The following ARID3B variants were observed in gnomAD, a reference collection of about 807,000 sequenced individuals.
The protein encoded by ARID3B is AT-rich interaction domain 3B, also known as AT-rich interactive domain-containing protein 3B.
ARID3B carries 10 observed loss-of-function variants against 51.9 expected under a neutral mutation model. That is an observed-to-expected ratio of 0.19 (90% confidence interval 0.12 to 0.33). ARID3B has a LOEUF of 0.33. ARID3B is among the 10% of genes least tolerant of loss of function. The probability of loss-of-function intolerance (pLI) is 1.00; values close to 1 mark genes in which losing one functional copy is unlikely to be tolerated. For synonymous variants in ARID3B, 205 were observed against 279.5 expected (o/e 0.73, Z 2.66); for missense variants, 483 against 716.3 (o/e 0.67, Z 3.72).
chr15:74,584,306 G>A (rs1183291896), intron 4 of ARID3B, among the ~76,000 whole-genome samples: 1 of 152,250 alleles, frequency 6.6e-6, no homozygotes, highest in Admixed American at 6.5e-5. Flanking sequence ...GGGCAAGAAT[G>A]AAGATGCAGA....
chr15:74,553,946 C>G (rs2061647226), intron 2 of ARID3B, among the ~76,000 whole-genome samples: 1 of 151,996 alleles, frequency 6.6e-6, no homozygotes, highest in Non-Finnish European at 1.5e-5. Flanking sequence ...GCCTCAGCCT[C>G]CTGAGTAGCT....
chr15:74,592,836 C>T (rs1045151181), intron 7 of ARID3B, among the ~76,000 whole-genome samples: 1 of 152,184 alleles, frequency 6.6e-6, no homozygotes, highest in Non-Finnish European at 1.5e-5. Context: ...CAGGGTTTGC[C>T]CGTCACTTGG....
In ARID3B at chr15:74,595,925, A is replaced by C; in HGVS notation, c.*151A>C. On this transcript the variant is annotated 3_prime_UTR_variant, in exon 9 of 9. Coordinates refer to ENST00000346246, the MANE Select transcript of ARID3B (RefSeq NM_006465.4). ...GGACGTGTCCGTCTGTCCAGGCTCCATTCAGGTCCTGCTGTACTCTGGGGG... is the reference window on the plus strand; with the variant it reads ...GGACGTGTCCGTCTGTCCAGGCTCCCTTCAGGTCCTGCTGTACTCTGGGGG... 1.2e-6 allele frequency: 1 copy of C among 834,964 alleles called. No homozygotes were observed. The highest frequency in any genetic ancestry group is 1.8e-6 in the Non-Finnish European group (1 of 553,974). 51.7% of individuals were successfully genotyped at this position (834,964 alleles called of 1,614,324 possible). A position where few individuals can be genotyped will look rare whatever the true frequency, so the allele number is the denominator to read the frequency against.
intron 2 of ARID3B, among the ~76,000 whole-genome samples, chr15:74,546,991 A>G (rs974241345): frequency 3.9e-5 from 6 of 152,164 alleles, no homozygotes; most frequent in African/African-American, 1.4e-4. Flanking sequence ...CAAAAATAAT[A>G]ATATTCTTGG....
At chr15:74,590,086 T>G in intron 5 of ARID3B, 83 bp downstream of exon 5, 3 of 1,398,906 alleles carry the variant, frequency 2.1e-6, no homozygotes, top group Non-Finnish European at 9.5e-7. Context: ...GGAAGGAAAT[T>G]CCTTTGTATG....
intron 2 of ARID3B, among the ~76,000 whole-genome samples, chr15:74,551,993 C>G (rs1251492683): frequency 1.3e-5 from 2 of 150,002 alleles, no homozygotes; most frequent in Non-Finnish European, 3.0e-5. Context: ...TCTTCTTTTG[C>G]TTTCTATAGT....
chr15:74,589,811 C>T lies in ARID3B; in HGVS notation c.698-9C>T. 1.3e-6 allele frequency: 2 copies of T among 1,597,264 alleles called. No homozygotes were observed. The highest frequency in any genetic ancestry group is 1.7e-6 in the Non-Finnish European group (2 of 1,169,078). On this transcript the variant is annotated splice_polypyrimidine_tract_variant and intron_variant, in intron 4 of 8. Transcript: ENST00000346246. Reference sequence around the variant, plus strand: ...CCCGCTGTCTCTTTCTCTCGTTGGACAACCACAGGGACCCCCATCAACCGA... The same window carrying T: ...CCCGCTGTCTCTTTCTCTCGTTGGATAACCACAGGGACCCCCATCAACCGA...
chr15:74,549,244 T>G (rs1395979677), intron 2 of ARID3B, among the ~76,000 whole-genome samples: 2 of 151,990 alleles, frequency 1.3e-5, no homozygotes, highest in African/African-American at 4.8e-5. Context: ...CCGGCTAATT[T>G]TTTTGTATTT....
rs748920116 is a variant in ARID3B, at chr15:74,572,877, T to C, written c.568T>C (p.Trp190Arg). 85 of 1,614,076 alleles carry C rather than the reference T, an allele frequency of 5.3e-5. No homozygotes were observed. Among genetic ancestry groups the C allele is most frequent in the Admixed American group, 3.3e-5 (2 of 60,004 alleles). The change falls in exon 3 of 9, where the codon TGG becomes CGG. Residue 190 changes from tryptophan to arginine, a missense_variant. Trp to Arg is a moderately radical substitution (Grantham distance 101, BLOSUM62 -3). Coordinates refer to ENST00000346246, the MANE Select transcript of ARID3B (RefSeq NM_006465.4). Reference sequence around the variant, plus strand: ...TCCCTTTTAGAATGGTGGTTTGGCCTGGAGTGATGATGCAGATGGAGGCCG... The same window carrying C: ...TCCCTTTTAGAATGGTGGTTTGGCCCGGAGTGATGATGCAGATGGAGGCCG... ...EQLKQNGGLAWSDDADGGRGR... is the reference protein window; with the variant it reads ...EQLKQNGGLARSDDADGGRGR...
chr15:74,595,195 A>G (rs1161186182), intron 8 of ARID3B, among the ~76,000 whole-genome samples: 4 of 152,068 alleles, frequency 2.6e-5, no homozygotes, highest in Non-Finnish European at 5.9e-5. Context: ...ACCCATGCCC[A>G]GCTAATTTTA....
rs868399303 is a variant in ARID3B at position 74,582,210 on chromosome 15, C to G, written c.698-7610C>G. 1.0e-3 allele frequency among the ~76,000 whole-genome samples: 154 copies of G among 152,122 alleles called. No individual in the cohort carries two copies. In the Middle Eastern group the frequency reaches 0.017, roughly 17 times the overall value. ...TGAGACAGAGTCTCACTCTGTCGCC[C>G]AGGCTGGAGTGCAGTGGCGCGATTT... On this transcript the variant is annotated intron_variant, in intron 4 of 8. Transcript: ENST00000346246.
intron 2 of ARID3B, among the ~76,000 whole-genome samples, chr15:74,563,402 AAGG>A (rs1431592639): frequency 6.6e-6 from 1 of 152,178 alleles, no homozygotes; most frequent in Non-Finnish European, 1.5e-5. Flanking sequence ...TTTGAAAATA[AAGG>A]AGGGATTTTT....
chr15:74,575,734 C>T (rs2061735190), intron 4 of ARID3B, among the ~76,000 whole-genome samples: 1 of 152,190 alleles, frequency 6.6e-6, no homozygotes, highest in South Asian at 2.1e-4. Context: ...TTTGTCCTGT[C>T]TTCAGCACTT....
intron 2 of ARID3B, among the ~76,000 whole-genome samples, chr15:74,564,753 A>G (rs1029482244): frequency 1.3e-5 from 2 of 152,224 alleles, no homozygotes; most frequent in South Asian, 4.2e-4. Flanking sequence ...GGCACATGCC[A>G]CCACACCCAG....
intron 2 of ARID3B, among the ~76,000 whole-genome samples, chr15:74,558,878 C>T (rs529339087): frequency 6.4e-4 from 97 of 152,260 alleles, no homozygotes; most frequent in African/African-American, 2.2e-3. Context: ...GCTGGGGCTG[C>T]ACAAGTTTAG....
At chr15:74,564,807 G>A (rs1215960410) in intron 2 of ARID3B, among the ~76,000 whole-genome samples, 1 of 151,738 alleles carries the variant, frequency 6.6e-6, no homozygotes, top group Non-Finnish European at 1.5e-5. Flanking sequence ...TCACCATGTT[G>A]CCAGGCTGGT....
At chr15:74,573,258 A>G (rs746828379) in intron 4 of ARID3B, 54 bp downstream of exon 4, 1 of 1,563,296 alleles carries the variant, frequency 6.4e-7, no homozygotes, top group Non-Finnish European at 8.8e-7. Context: ...TAGAGTGCCT[A>G]CTGTGTGCTA....
chr15:74,579,716 C>T (rs2061752093), intron 4 of ARID3B, among the ~76,000 whole-genome samples: 1 of 152,160 alleles, frequency 6.6e-6, no homozygotes, highest in African/African-American at 2.4e-5. Context: ...CCAAATTCAA[C>T]TAAGCAAGTT....
At chr15:74,556,225 C>G (rs1355803613) in intron 2 of ARID3B, among the ~76,000 whole-genome samples, 1 of 152,078 alleles carries the variant, frequency 6.6e-6, no homozygotes, top group Admixed American at 6.5e-5. Flanking sequence ...GGCCTAATTT[C>G]AGTATGGTTG....
Sources: gnomAD v4.1 joint callset for allele counts (sites outside exome capture counted in the v4.1 genomes callset) on GRCh38, gnomAD v4.1.1 for gene constraint, MANE v1.5 for transcripts, NCBI Gene and HGNC (gene_info 2026-07-23, HGNC 2026-07-21) for gene names.